Variants in GPC3 observed in about 807,000 individuals in gnomAD.
GPC3 encodes glypican 3.
GPC3 carries 3 observed loss-of-function variants against 34.4 expected under a neutral mutation model. The observed-to-expected ratio is 0.09, with a 90% CI of 0.04 to 0.23. GPC3 has a LOEUF of 0.23. Among genes scored for constraint, GPC3 ranks in the 10% least tolerant of loss-of-function variants. The pLI, the probability that GPC3 is intolerant of heterozygous loss-of-function variation, is 1.00. For missense variants in GPC3, 351 were observed against 445.6 expected, an observed-to-expected ratio of 0.79 and a Z score of 1.91; for synonymous variants, 177 against 174.0, an observed-to-expected ratio of 1.02 and a Z score of -0.13.
chrX:133,833,599 C>T (rs2075786701), intron 2 of GPC3, among the ~76,000 whole-genome samples: 1 of 111,114 alleles, frequency 9.0e-6, no homozygotes, highest in Non-Finnish European at 1.9e-5. Context: ...GGAGGGAGAT[C>T]CCAGAGCATC....
chrX:133,647,200 G>A (rs745328529), intron 6 of GPC3, among the ~76,000 whole-genome samples: 15 of 112,284 alleles, frequency 1.3e-4, no homozygotes, highest in Non-Finnish European at 2.3e-4. Context: ...TCTAAACTGA[G>A]GATAAAGAGG....
chrX:133,655,774 T>C (rs944964500), intron 6 of GPC3, among the ~76,000 whole-genome samples: 4 of 112,249 alleles, frequency 3.6e-5, no homozygotes, highest in Non-Finnish European at 7.5e-5. Context: ...GAAAACAAGT[T>C]ACTTGGAGTG....
intron 2 of GPC3, among the ~76,000 whole-genome samples, chrX:133,775,975 C>G (rs1161006069): frequency 2.7e-5 from 3 of 111,204 alleles, no homozygotes; most frequent in Non-Finnish European, 5.7e-5. Flanking sequence ...AATAAAAAGC[C>G]TCCCAGAAAG....
intron 2 of GPC3, among the ~76,000 whole-genome samples, chrX:133,796,161 G>A (rs1225110972): frequency 2.7e-5 from 3 of 109,633 alleles, no homozygotes; most frequent in Non-Finnish European, 5.7e-5. Context: ...TAGCCAGGAT[G>A]GTCTCAATCT....
chrX:133,593,115 G>T (rs2069869715), intron 7 of GPC3, among the ~76,000 whole-genome samples: 1 of 109,800 alleles, frequency 9.1e-6, no homozygotes, highest in Non-Finnish European at 1.9e-5. Flanking sequence ...ATCACACGAG[G>T]TCAGGAGTTC....
chrX:133,971,191 G>A (rs2076491436), intron 1 of GPC3, among the ~76,000 whole-genome samples: 2 of 112,284 alleles, frequency 1.8e-5, no homozygotes, highest in African/African-American at 6.5e-5. Context: ...GTTATGACAA[G>A]GTGAGACAGA....
chrX:133,910,701 A>G (rs2124606637), intron 2 of GPC3, among the ~76,000 whole-genome samples: 1 of 112,234 alleles, frequency 8.9e-6, no homozygotes, highest in African/African-American at 3.2e-5. Flanking sequence ...GGCACTTACA[A>G]CCATCTGTCA....
chrX:133,913,743 A>G (rs1041435908), intron 2 of GPC3, among the ~76,000 whole-genome samples: 1 of 111,292 alleles, frequency 9.0e-6, no homozygotes, highest in Admixed American at 9.6e-5. Flanking sequence ...AGATAAAGCC[A>G]CTCTATTCTA....
chrX:133,624,326 G>A (rs1171989804), intron 6 of GPC3, among the ~76,000 whole-genome samples: 2 of 111,488 alleles, frequency 1.8e-5, no homozygotes, highest in East Asian at 2.8e-4. Flanking sequence ...AACTGAAGGA[G>A]ATCGAGACAC....
chrX:133,703,907 T>A (rs778009903), intron 3 of GPC3, among the ~76,000 whole-genome samples: 3 of 111,797 alleles, frequency 2.7e-5, no homozygotes, highest in African/African-American at 6.6e-5. Flanking sequence ...CTGGGCCACA[T>A]TGGAAGAAGA....
At chrX:133,641,884 G>T (rs1402498752) in intron 6 of GPC3, among the ~76,000 whole-genome samples, 10 of 112,560 alleles carry the variant, frequency 8.9e-5, no homozygotes, top group Non-Finnish European at 5.6e-5. Context: ...TGTGTGTAAA[G>T]AAATGACTGA....
rs1045538028 is a variant in GPC3 at position 133,661,560 on chromosome X, A to C, written c.1413+170T>G. 1.7e-3 allele frequency among the ~76,000 whole-genome samples: 104 copies of C among 60,680 alleles called. 1 individual carries two copies. The highest frequency in any genetic ancestry group is 6.7e-3 in the African/African-American group (94 of 14,087). 52.7% of individuals were successfully genotyped at this position (60,680 alleles called of 115,157 possible). On this transcript the variant is annotated intron_variant, in intron 6 of 7. Transcript: ENST00000370818. ...AGTTTGAACAGTGGAAGCTGGCTATATCTCTCTTTCTCTCTCTCTCTCTCT... is the reference window on the plus strand; with the variant it reads ...AGTTTGAACAGTGGAAGCTGGCTATCTCTCTCTTTCTCTCTCTCTCTCTCT...
chrX:133,781,642 A>T (rs1317622869), intron 2 of GPC3, among the ~76,000 whole-genome samples: 1 of 111,935 alleles, frequency 8.9e-6, no homozygotes, highest in Admixed American at 9.5e-5. Flanking sequence ...ATGAAGCAGA[A>T]ACTAGGTGTA....
At chrX:133,660,574 T>C (rs2070706753) in intron 6 of GPC3, among the ~76,000 whole-genome samples, 1 of 112,242 alleles carries the variant, frequency 8.9e-6, no homozygotes. Flanking sequence ...AGTCAGAAGC[T>C]GGCAAGGATG....
chrX:133,977,972 G>A (rs1385285373), intron 1 of GPC3, among the ~76,000 whole-genome samples: 3 of 111,257 alleles, frequency 2.7e-5, no homozygotes, highest in Non-Finnish European at 3.8e-5. Flanking sequence ...TTCCTCTGTC[G>A]CCCAGGCTGG....
At chrX:133,850,190 T>TTTGG (rs1427111676) in intron 2 of GPC3, among the ~76,000 whole-genome samples, 1 of 76,388 alleles carries the variant, frequency 1.3e-5, no homozygotes, top group East Asian at 3.8e-4. Flanking sequence ...GTTTTTTGGG[T>TTTGG]TTTGTTTTTT....
At chrX:133,799,931 G>A (rs954809059) in intron 2 of GPC3, among the ~76,000 whole-genome samples, 22 of 111,970 alleles carry the variant, frequency 2.0e-4, no homozygotes, top group African/African-American at 7.2e-4. Context: ...CAGCTTTCCA[G>A]GTGTCCTGAT....
At chrX:133,884,415 C>T (rs983366879) in intron 2 of GPC3, among the ~76,000 whole-genome samples, 2 of 111,668 alleles carry the variant, frequency 1.8e-5, no homozygotes, top group Non-Finnish European at 3.8e-5. Flanking sequence ...TGTCTCCTTA[C>T]CCAGTCATCA....
At chrX:133,626,379 C>G (rs953719220) in intron 6 of GPC3, among the ~76,000 whole-genome samples, 7 of 111,039 alleles carry the variant, frequency 6.3e-5, no homozygotes, top group African/African-American at 2.3e-4. Context: ...TGAACAGAAA[C>G]CTACAGAATG....
Sources: allele counts gnomAD v4.1 joint callset (sites outside exome capture counted in the v4.1 genomes callset), GRCh38; gene constraint gnomAD v4.1.1; transcripts MANE v1.5; gene names NCBI Gene and HGNC (gene_info 2026-07-23, HGNC 2026-07-21).